STAT3: variants seen among roughly 807,000 people sequenced by gnomAD.
STAT3 encodes DNA-binding protein APRF.
STAT3 carries 7 observed loss-of-function variants against 114.3 expected under a neutral mutation model. The observed-to-expected ratio is 0.06, with a 90% confidence interval of 0.03 to 0.11. The LOEUF is 0.11. Among genes scored for constraint, STAT3 ranks in the 10% least tolerant of loss-of-function variants. The pLI, the probability that STAT3 is intolerant of heterozygous loss-of-function variation, is 1.00. For missense variants in STAT3, 364 were observed against 960.9 expected, an observed-to-expected ratio of 0.38 and a Z score of 8.21; for synonymous variants, 331 against 354.5, an observed-to-expected ratio of 0.93 and a Z score of 0.74.
chr17:42,380,176 A>G (rs888285108), intron 1 of STAT3, among the ~76,000 whole-genome samples: 1 of 152,038 alleles, frequency 6.6e-6, no homozygotes, highest in Non-Finnish European at 1.5e-5. Flanking sequence ...AGCTGGGACT[A>G]CAGGCACCCG....
At chr17:42,387,955 G>A (rs998660282) in intron 1 of STAT3, 2 of 266,568 alleles carry the variant, frequency 7.5e-6, no homozygotes, top group South Asian at 1.7e-4. Flanking sequence ...AACGTCCCCA[G>A]GGCCCCAGGG....
At position 42,337,605 on chromosome 17, in the gene STAT3, A is replaced by G; in HGVS notation, c.646-19T>C. The G allele has an allele frequency of 6.2e-7, 1 of 1,614,198 alleles. No individual in the cohort carries two copies. Among genetic ancestry groups the G allele is most frequent in the African/African-American group, 1.3e-5 (1 of 75,058 alleles). On this transcript the variant is annotated intron_variant, in intron 7 of 23. Coordinates refer to ENST00000264657, the MANE Select transcript of STAT3 (RefSeq NM_139276.3). The surrounding 1 kb of genome is among the most constrained non-coding windows in gnomAD (Gnocchi z 4.0). Reference sequence around the variant, plus strand: ...CGATGCTCTGGTTGGAAACCAAAACAAAGTCAGAAAACATTTCCTCAGACT... The same window carrying G: ...CGATGCTCTGGTTGGAAACCAAAACGAAGTCAGAAAACATTTCCTCAGACT...
chr17:42,337,386 T>C lies in STAT3; in HGVS notation c.797+49A>G, dbSNP rs2082272626. The C allele has an allele frequency of 6.2e-7, 1 of 1,609,444 alleles. No homozygotes were observed. The highest frequency in any genetic ancestry group is 8.5e-7 in the Non-Finnish European group (1 of 1,176,682). On this transcript the variant is annotated intron_variant, in intron 8 of 23. Transcript: ENST00000264657. The surrounding 1 kb of genome is among the most constrained non-coding windows in gnomAD (Gnocchi z 4.0). ...TGTGGGCCTGCAGTTAAGATCAGAA[T>C]TCAATCTAGCTTTCGAGAAAGAAAG...
At position 42,337,342 on chromosome 17, in the gene STAT3, G is replaced by A. The variant is rs1052396448; in HGVS notation, c.797+93C>T. ...TTGAATATGGAAAAGTCCCCACGTT[G>A]GAGATATAGTACCAATTCTGTGGGC... On this transcript the variant is annotated intron_variant, in intron 8 of 23. Coordinates refer to ENST00000264657, the MANE Select transcript of STAT3 (RefSeq NM_139276.3). The surrounding 1 kb of genome is among the most constrained non-coding windows in gnomAD (Gnocchi z 4.0). The A allele has an allele frequency of 4.6e-6, 7 of 1,525,584 alleles. No individual in the cohort carries two copies. Among genetic ancestry groups the A allele is most frequent in the Non-Finnish European group, 6.2e-6 (7 of 1,127,514 alleles). The allele number at this position is 1,525,584 out of a possible 1,614,324, so 94.5% of individuals were successfully genotyped here.
intron 4 of STAT3, 158 bp downstream of exon 4, chr17:42,345,401 T>G: frequency 1.4e-6 from 1 of 701,358 alleles, no homozygotes; most frequent in Non-Finnish European, 2.3e-6. Context: ...GGGTGGAACT[T>G]TCTTTTTTTT....
intron 1 of STAT3, among the ~76,000 whole-genome samples, chr17:42,353,347 CAAA>C (rs10659012): frequency 2.5e-5 from 2 of 80,854 alleles, no homozygotes; most frequent in African/African-American, 4.1e-5. Flanking sequence ...GACTGCATAT[CAAA>C]AAAAAAAAAA....
chr17:42,356,079 C>T (rs1220699974), intron 1 of STAT3, among the ~76,000 whole-genome samples: 2 of 152,126 alleles, frequency 1.3e-5, no homozygotes, highest in Admixed American at 6.6e-5. Flanking sequence ...GCTGCCTACA[C>T]TAACCTCTTC....
At chr17:42,361,198 C>G (rs930652708) in intron 1 of STAT3, among the ~76,000 whole-genome samples, 1 of 152,020 alleles carries the variant, frequency 6.6e-6, no homozygotes, top group African/African-American at 2.4e-5. Context: ...TCGAAAGCTA[C>G]GGCTGGGCAC....
intron 21 of STAT3, among the ~76,000 whole-genome samples, chr17:42,321,279 G>A (rs1043697954): frequency 9.3e-5 from 14 of 150,982 alleles, no homozygotes; most frequent in Admixed American, 4.0e-4. Flanking sequence ...ACCACCACAC[G>A]TGGCTAATTT....
chr17:42,342,473 ACT>A (rs1283724791), intron 4 of STAT3, among the ~76,000 whole-genome samples: 1 of 144,040 alleles, frequency 6.9e-6, no homozygotes, highest in Non-Finnish European at 1.5e-5. Flanking sequence ...ACAGAGTGAG[ACT>A]CTGTCTCAAA....
intron 8 of STAT3, among the ~76,000 whole-genome samples, chr17:42,334,599 C>G (rs1405011740): frequency 6.6e-6 from 1 of 152,054 alleles, no homozygotes; most frequent in Non-Finnish European, 1.5e-5. Context: ...CACCCACCAC[C>G]ACTCCCGGAT....
chr17:42,331,159 T>C (rs903115097), intron 11 of STAT3, among the ~76,000 whole-genome samples: 2 of 152,212 alleles, frequency 1.3e-5, no homozygotes, highest in African/African-American at 4.8e-5. Flanking sequence ...GCAGAACGTA[T>C]CCCAGTCGTT....
intron 1 of STAT3, among the ~76,000 whole-genome samples, chr17:42,378,100 C>T (rs1412390010): frequency 2.0e-5 from 3 of 147,610 alleles, no homozygotes; most frequent in Non-Finnish European, 1.5e-5. Flanking sequence ...ATTCTCCTGC[C>T]TCAGCCTCCT....
chr17:42,335,117 TTTTC>T (rs915963377), intron 8 of STAT3, among the ~76,000 whole-genome samples: 8 of 149,692 alleles, frequency 5.3e-5, no homozygotes, highest in East Asian at 1.9e-4. Context: ...GAGCCCTTTC[TTTTC>T]TTTCTTTCTT....
chr17:42,371,974 A>T (rs1008860290), intron 1 of STAT3, among the ~76,000 whole-genome samples: 2 of 152,122 alleles, frequency 1.3e-5, no homozygotes, highest in African/African-American at 4.8e-5. Flanking sequence ...CAAGAGTGAA[A>T]CTGTGAAACT....
At chr17:42,316,940 G>T in intron 22 of STAT3, 39 bp from the exon 23 acceptor site, 5 of 1,593,056 alleles carry the variant, frequency 3.1e-6, no homozygotes, top group South Asian at 1.1e-5. Flanking sequence ...GAAACGGGGG[G>T]TTGACAAGAC....
intron 1 of STAT3, among the ~76,000 whole-genome samples, chr17:42,358,866 G>C (rs557443743): frequency 6.6e-6 from 1 of 151,550 alleles, no homozygotes; most frequent in East Asian, 1.9e-4. Flanking sequence ...TGCTGCTGGT[G>C]CCAGATCCTC....
chr17:42,316,957 G>GA (rs71157612), intron 22 of STAT3, 56 bp from the exon 23 acceptor site: 27,175 of 969,182 alleles, frequency 0.028, no homozygotes, highest in South Asian at 0.033. Flanking sequence ...AGACACAATG[G>GA]AAAAAAAAAA....
At position 42,381,593 on chromosome 17, in the gene STAT3, G is replaced by A. The variant is rs1460366736; in HGVS notation, c.-24+6686C>T. Among the ~76,000 whole-genome samples, 6 of 152,006 alleles carry A rather than the reference G, an allele frequency of 3.9e-5. No individual in the cohort carries two copies. The South Asian group carries it at 1.0e-3, about 26-fold the overall frequency. Reference sequence around the variant, plus strand: ...ATAAAAAAAAAAACATTAGCTGGGCGTGGTGGCGGGCGCCTGTAGTCCCAG... The same window carrying A: ...ATAAAAAAAAAAACATTAGCTGGGCATGGTGGCGGGCGCCTGTAGTCCCAG... On this transcript the variant is annotated intron_variant, in intron 1 of 23. Transcript: ENST00000264657.
Sources: allele counts gnomAD v4.1 joint callset (sites outside exome capture counted in the v4.1 genomes callset), GRCh38; gene constraint gnomAD v4.1.1; non-coding constraint Gnocchi (gnomAD v3.1); transcripts MANE v1.5; gene names NCBI Gene and HGNC (gene_info 2026-07-23, HGNC 2026-07-21).